Variants in SOX5 observed in about 807,000 individuals in gnomAD.
SOX5 encodes the protein SRY-box transcription factor 5, also known as transcription factor SOX-5.
In SOX5, 9 loss-of-function variants were observed where a neutral mutation model predicts 92.0. The ratio of observed to expected loss-of-function variants is 0.10; its 90% confidence interval spans 0.06 to 0.17. The LOEUF is 0.17. Among genes scored for constraint, SOX5 ranks in the 10% least tolerant of loss-of-function variants. SOX5 has a pLI of 1.00. For synonymous variants in SOX5, 344 were observed against 336.3 expected (o/e 1.02, Z -0.25); for missense variants, 642 against 944.5 (o/e 0.68, Z 4.20).
At chr12:23,850,435 AAAAT>A (rs1262519512) in intron 2 of SOX5, among the ~76,000 whole-genome samples, 2 of 114,622 alleles carry the variant, frequency 1.7e-5, no homozygotes, top group Non-Finnish European at 3.4e-5. Flanking sequence ...CTACAAAAAA[AAAAT>A]AAATAAATAA....
At chr12:23,817,964 C>A (rs2096028915) in intron 3 of SOX5, among the ~76,000 whole-genome samples, 1 of 152,146 alleles carries the variant, frequency 6.6e-6, no homozygotes, top group Non-Finnish European at 1.5e-5. Flanking sequence ...TAGGTGATCA[C>A]ACAAAAAACA....
Position 23,534,121 on chromosome 12 carries a change from GTCAGTGTATGAGAAAGTTAA to G in SOX5, c.*78_*97del. The G allele has an allele frequency of 3.2e-6, 3 of 944,280 alleles. No individual in the cohort carries two copies. Among genetic ancestry groups the G allele is most frequent in the Non-Finnish European group, 4.9e-6 (3 of 607,354 alleles). The allele number at this position is 944,280 out of a possible 1,614,324, so 58.5% of individuals were successfully genotyped here. On this transcript the variant is annotated 3_prime_UTR_variant, in exon 15 of 15. Transcript: ENST00000451604. ...TTTAAGACTAACAGTTAAAGTAACA[GTCAGTGTATGAGAAAGTTAA>G]TGTGCTTGGCCACTGGTAAGGATGA...
At chr12:23,945,968 G>A (rs556940921) in intron 1 of SOX5, among the ~76,000 whole-genome samples, 1 of 152,206 alleles carries the variant, frequency 6.6e-6, no homozygotes, top group South Asian at 2.1e-4. Context: ...ATGTCTAGCA[G>A]TAGCTTTTCA....
intron 1 of SOX5, among the ~76,000 whole-genome samples, chr12:24,449,804 T>C (rs1484124836): frequency 6.6e-6 from 1 of 152,160 alleles, no homozygotes; most frequent in Non-Finnish European, 1.5e-5. Flanking sequence ...CAAATCACAC[T>C]CATCCACCAG....
intron 3 of SOX5, among the ~76,000 whole-genome samples, chr12:24,258,920 A>G (rs1381995859): frequency 6.6e-6 from 1 of 152,238 alleles, no homozygotes; most frequent in Non-Finnish European, 1.5e-5. Flanking sequence ...TCGCACAGTT[A>G]GACAACGGCA....
intron 2 of SOX5, among the ~76,000 whole-genome samples, chr12:23,860,325 A>G (rs2096741041): frequency 6.6e-6 from 1 of 152,178 alleles, no homozygotes; most frequent in Non-Finnish European, 1.5e-5. Flanking sequence ...AGAATGCTAA[A>G]AATATGTTCC....
At chr12:24,308,909 A>G (rs992489825) in intron 2 of SOX5, among the ~76,000 whole-genome samples, 8 of 152,140 alleles carry the variant, frequency 5.3e-5, no homozygotes, top group Non-Finnish European at 1.0e-4. Flanking sequence ...GAGACACAGA[A>G]AAGTATTATT....
intron 8 of SOX5, among the ~76,000 whole-genome samples, chr12:23,620,366 G>A (rs1008324710): frequency 2.6e-5 from 4 of 152,018 alleles, no homozygotes; most frequent in African/African-American, 4.8e-5. Context: ...AATAGATTGG[G>A]AGGGTTTGTT....
At position 23,983,434 on chromosome 12, in the gene SOX5, C is replaced by T. The variant is rs546219637; in HGVS notation, c.-1-87410G>A. Among the ~76,000 whole-genome samples, 4 of 152,254 alleles carry T rather than the reference C, an allele frequency of 2.6e-5. No homozygotes were observed. The South Asian group carries it at 8.3e-4, about 32-fold the overall frequency. Reference sequence around the variant, plus strand: ...TGGGAATAATCATGGGGTCGGAAGACTGGCCTTTGAAGCTCACAGCTGTCA... The same window carrying T: ...TGGGAATAATCATGGGGTCGGAAGATTGGCCTTTGAAGCTCACAGCTGTCA... On this transcript the variant is annotated intron_variant, in intron 4 of 4. Transcript: ENST00000446891.
Position 23,755,660 on chromosome 12 carries a change from C to CGAT in SOX5, c.543_545dup (p.Ser182dup), listed in dbSNP as rs779314135. 6.3e-7 allele frequency: 1 copy of CGAT among 1,591,112 alleles called. No individual in the cohort carries two copies. Among genetic ancestry groups the CGAT allele is most frequent in the South Asian group, 1.1e-5 (1 of 87,284 alleles). On this transcript the variant is annotated inframe_insertion, in exon 4 of 15. Transcript: ENST00000451604. Reference sequence around the variant, plus strand: ...TACCTTTTATTTCGCCAAAGTTCCCCGATCCCATTGCAAGAAGCTTGTCTT... The same window carrying CGAT: ...TACCTTTTATTTCGCCAAAGTTCCCCGATGATCCCATTGCAAGAAGCTTGTCTT...
chr12:23,613,100 G>A (rs978021040), intron 8 of SOX5, among the ~76,000 whole-genome samples: 1 of 152,136 alleles, frequency 6.6e-6, no homozygotes, highest in African/African-American at 2.4e-5. Context: ...TTCTTCAAGT[G>A]TAATGCATGA....
chr12:23,887,577 T>C (rs541158278), intron 2 of SOX5, among the ~76,000 whole-genome samples: 1 of 152,310 alleles, frequency 6.6e-6, no homozygotes, highest in Admixed American at 6.5e-5. Context: ...CTTCTTAGTG[T>C]CCTGGCTATT....
chr12:24,249,645 C>T (rs1461626005), intron 3 of SOX5, among the ~76,000 whole-genome samples: 1 of 152,168 alleles, frequency 6.6e-6, no homozygotes, highest in East Asian at 1.9e-4. Context: ...GCCTCACAAT[C>T]ACATGGCATC....
intron 4 of SOX5, among the ~76,000 whole-genome samples, chr12:24,125,104 AC>A (rs1463033420): frequency 6.6e-6 from 1 of 152,112 alleles, no homozygotes; most frequent in African/African-American, 2.4e-5. Context: ...ATATATAAAA[AC>A]CCTTATTTTC....
At chr12:24,517,545 G>A (rs1345539017) in intron 1 of SOX5, among the ~76,000 whole-genome samples, 1 of 152,108 alleles carries the variant, frequency 6.6e-6, no homozygotes, top group East Asian at 1.9e-4. Context: ...TATAGGCCTT[G>A]GCAGTCCTTG....
At chr12:23,765,385 CAAAAA>C (rs373571301) in intron 3 of SOX5, among the ~76,000 whole-genome samples, 7 of 31,430 alleles carry the variant, frequency 2.2e-4, no homozygotes, top group African/African-American at 4.4e-4. Flanking sequence ...TGTAAAACAG[CAAAAA>C]AAAAAAAAAA....
rs185546660 is a variant in SOX5 at position 24,108,056 on chromosome 12, A to T, written c.-2+105287T>A. On this transcript the variant is annotated intron_variant, in intron 4 of 4. Coordinates refer to the SOX5 transcript ENST00000446891. ...AAATATTAAAGAGAACTTGCTAATGAAAAGGCAGAATAGGACAACATATTT... is the reference window on the plus strand; with the variant it reads ...AAATATTAAAGAGAACTTGCTAATGTAAAGGCAGAATAGGACAACATATTT... Among the ~76,000 whole-genome samples, 10 of 152,356 alleles carry T rather than the reference A, an allele frequency of 6.6e-5. No homozygotes were observed. In the East Asian group the frequency reaches 1.9e-3, roughly 29 times the overall value.
At chr12:23,536,382 AAT>A (rs1940454350) in intron 14 of SOX5, 69 bp downstream of exon 14, 1 of 1,216,730 alleles carries the variant, frequency 8.2e-7, no homozygotes. Flanking sequence ...CAACTGAACA[AAT>A]ATGTTTCACA....
chr12:23,777,511 T>C (rs1030640299), intron 3 of SOX5, among the ~76,000 whole-genome samples: 7 of 152,206 alleles, frequency 4.6e-5, no homozygotes, highest in African/African-American at 1.7e-4. Flanking sequence ...ACACTGATTA[T>C]GTCAGAGAGC....
Sources: gnomAD v4.1 joint callset for allele counts (sites outside exome capture counted in the v4.1 genomes callset) on GRCh38, gnomAD v4.1.1 for gene constraint, MANE v1.5 for transcripts, NCBI Gene and HGNC (gene_info 2026-07-23, HGNC 2026-07-21) for gene names.